Variants in CTNND2 observed in about 807,000 individuals in gnomAD.
CTNND2 encodes the protein catenin delta-2.
In CTNND2, 22 loss-of-function variants were observed where a neutral mutation model predicts 144.4. The observed-to-expected ratio is 0.15, with a 90% CI of 0.11 to 0.22. The LOEUF (loss-of-function observed/expected upper bound fraction) is 0.22. Ranked by LOEUF, CTNND2 falls within the 10% of genes least tolerant of loss-of-function variation. The pLI is 1.00. For missense variants in CTNND2, 1,353 were observed against 1,618.8 expected, an observed-to-expected ratio of 0.84 and a Z score of 2.82; for synonymous variants, 751 against 695.6, an observed-to-expected ratio of 1.08 and a Z score of -1.25.
intron 2 of CTNND2, among the ~76,000 whole-genome samples, chr5:11,710,382 T>C (rs2126690871): frequency 6.6e-6 from 1 of 151,822 alleles, no homozygotes; most frequent in African/African-American, 2.4e-5. Context: ...TCTACTAAAA[T>C]TACAAAAATT....
intron 11 of CTNND2, among the ~76,000 whole-genome samples, chr5:11,182,388 T>C (rs1458029293): frequency 6.6e-6 from 1 of 151,944 alleles, no homozygotes; most frequent in Admixed American, 6.6e-5. Flanking sequence ...TGCACACCTG[T>C]ATATATATGT....
intron 3 of CTNND2, 41 bp downstream of exon 3, chr5:11,564,903 G>C: frequency 7.5e-7 from 1 of 1,338,020 alleles, no homozygotes; most frequent in Non-Finnish European, 1.1e-6. Context: ...ACTTGCAGGG[G>C]CAACTCAAAG....
At chr5:11,089,183 T>C (rs1038945889) in intron 15 of CTNND2, among the ~76,000 whole-genome samples, 7 of 152,204 alleles carry the variant, frequency 4.6e-5, no homozygotes, top group African/African-American at 1.7e-4. Context: ...AACTGTGACA[T>C]CAGGAGAAAA....
At position 11,034,146 on chromosome 5, in the gene CTNND2, T is replaced by C. The variant is rs2149555950; in HGVS notation, c.2789-11167A>G. Among the ~76,000 whole-genome samples, 3 of 152,318 alleles carry C rather than the reference T, an allele frequency of 2.0e-5. No individual in the cohort carries two copies. In the South Asian group the frequency reaches 6.2e-4, roughly 32 times the overall value. The stretch of plus-strand genomic sequence containing the variant: ...GATAATATTAGGGGAAAAACAGAGA[T>C]GTCTTTCCCCTGGTTTTATCATTTC... On this transcript the variant is annotated intron_variant, in intron 16 of 21. Transcript: ENST00000304623.
chr5:11,555,502 C>G (rs1482821114), intron 3 of CTNND2, among the ~76,000 whole-genome samples: 1 of 152,112 alleles, frequency 6.6e-6, no homozygotes, highest in Non-Finnish European at 1.5e-5. Flanking sequence ...GCTGTAAATG[C>G]TCCTGCTATT....
intron 2 of CTNND2, among the ~76,000 whole-genome samples, chr5:11,662,233 GTA>G (rs1282348853): frequency 7.7e-6 from 1 of 130,224 alleles, no homozygotes; most frequent in African/African-American, 3.2e-5. Flanking sequence ...GTGTATATAT[GTA>G]TATATATACA....
At chr5:11,830,328 G>T (rs986903966) in intron 1 of CTNND2, among the ~76,000 whole-genome samples, 5 of 152,196 alleles carry the variant, frequency 3.3e-5, no homozygotes, top group African/African-American at 1.2e-4. Flanking sequence ...TGGTTTGATT[G>T]TGTCACCACC....
intron 1 of CTNND2, among the ~76,000 whole-genome samples, chr5:11,766,412 G>A (rs191220781): frequency 1.7e-4 from 26 of 152,246 alleles, no homozygotes; most frequent in African/African-American, 5.5e-4. Context: ...GGTCTTTCCC[G>A]TGCTGTTCTC....
At chr5:11,558,889 C>T (rs1776456445) in intron 3 of CTNND2, among the ~76,000 whole-genome samples, 1 of 152,030 alleles carries the variant, frequency 6.6e-6, no homozygotes, top group Non-Finnish European at 1.5e-5. Context: ...TGCAAGTGGT[C>T]GTGTAGACTA....
intron 2 of CTNND2, among the ~76,000 whole-genome samples, chr5:11,622,477 A>T (rs1427023132): frequency 6.6e-6 from 1 of 152,202 alleles, no homozygotes; most frequent in Admixed American, 6.6e-5. Flanking sequence ...TTCTTATCAG[A>T]AATGGACATC....
At chr5:11,256,769 G>A (rs1207240944) in intron 9 of CTNND2, among the ~76,000 whole-genome samples, 1 of 152,148 alleles carries the variant, frequency 6.6e-6, no homozygotes, top group African/African-American at 2.4e-5. Context: ...CGGATGAGGA[G>A]GTCAAGGTGG....
intron 17 of CTNND2, among the ~76,000 whole-genome samples, chr5:11,022,248 T>C (rs1742334951): frequency 6.6e-6 from 1 of 152,194 alleles, no homozygotes; most frequent in Admixed American, 6.5e-5. Context: ...TTGGAAAGTA[T>C]AGGCATAGTG....
At chr5:11,803,007 T>C (rs1053320429) in intron 1 of CTNND2, among the ~76,000 whole-genome samples, 62 of 152,174 alleles carry the variant, frequency 4.1e-4, no homozygotes, top group Admixed American at 3.9e-4. Context: ...GGTAAGTTCA[T>C]GCGAGACCTT....
chr5:11,393,383 T>C (rs1759800902), intron 6 of CTNND2, among the ~76,000 whole-genome samples: 1 of 152,242 alleles, frequency 6.6e-6, no homozygotes, highest in Non-Finnish European at 1.5e-5. Context: ...GTGTACTCCT[T>C]TGCCAGTGCT....
chr5:11,122,138 T>G (rs2149701922), intron 12 of CTNND2, among the ~76,000 whole-genome samples: 1 of 152,236 alleles, frequency 6.6e-6, no homozygotes, highest in African/African-American at 2.4e-5. Flanking sequence ...TGCTCTATGC[T>G]TACAGAATAA....
At chr5:11,121,821 C>A (rs1359676653) in intron 12 of CTNND2, among the ~76,000 whole-genome samples, 1 of 152,140 alleles carries the variant, frequency 6.6e-6, no homozygotes, top group Non-Finnish European at 1.5e-5. Flanking sequence ...GAAGATCAAA[C>A]CACAGGGAAA....
intron 9 of CTNND2, among the ~76,000 whole-genome samples, chr5:11,310,419 T>C (rs1750675345): frequency 6.6e-6 from 1 of 152,020 alleles, no homozygotes; most frequent in South Asian, 2.1e-4. Context: ...ATCACTTCTA[T>C]TTATAACTCT....
At chr5:11,756,988 A>T (rs1788978688) in intron 1 of CTNND2, among the ~76,000 whole-genome samples, 1 of 151,734 alleles carries the variant, frequency 6.6e-6, no homozygotes, top group Admixed American at 6.6e-5. Flanking sequence ...GTTGCTTAAC[A>T]CCCTGAAAAA....
chr5:11,706,332 G>A (rs933251652), intron 2 of CTNND2, among the ~76,000 whole-genome samples: 3 of 152,180 alleles, frequency 2.0e-5, no homozygotes, highest in Non-Finnish European at 4.4e-5. Flanking sequence ...CCATTGGTGT[G>A]ATCACTGAAT....
Sources: gnomAD v4.1 joint callset for allele counts (sites outside exome capture counted in the v4.1 genomes callset) on GRCh38, gnomAD v4.1.1 for gene constraint, MANE v1.5 for transcripts, NCBI Gene and HGNC (gene_info 2026-07-23, HGNC 2026-07-21) for gene names.